Variants in FSTL5 observed in about 807,000 individuals in gnomAD.
The protein encoded by FSTL5 is follistatin-related protein 5.
In FSTL5, 62 loss-of-function variants were observed where a neutral mutation model predicts 89.1. The ratio of observed to expected loss-of-function variants is 0.70; its 90% CI spans 0.57 to 0.86. The LOEUF is 0.86. Among genes scored for constraint, FSTL5 ranks in the 40% least tolerant of loss-of-function variants. FSTL5 has a pLI of 0.00. For missense variants in FSTL5, 1,057 were observed against 1,001.6 expected (o/e 1.06, Z -0.75); for synonymous variants, 383 against 346.2 (o/e 1.11, Z -1.18).
chr4:161,887,392 CATCT>C (rs60103951), intron 4 of FSTL5, among the ~76,000 whole-genome samples: 6,606 of 133,094 alleles, frequency 0.05, 173 homozygotes, highest in Non-Finnish European at 0.07. Flanking sequence ...CTCTATCTAT[CATCT>C]ATCTATCTAT....
chr4:162,080,739 C>A (rs1730060206), intron 2 of FSTL5, among the ~76,000 whole-genome samples: 1 of 151,338 alleles, frequency 6.6e-6, no homozygotes, highest in Non-Finnish European at 1.5e-5. Context: ...GCCCCCATAC[C>A]CTCAAATTTG....
intron 13 of FSTL5, 144 bp downstream of exon 13, chr4:161,480,876 G>A: frequency 1.7e-6 from 1 of 598,094 alleles, no homozygotes; most frequent in Admixed American, 3.3e-5. Flanking sequence ...TGAGAGAAGA[G>A]TTTGCAGAAA....
Position 161,767,337 on chromosome 4 carries a change from T to C in FSTL5, c.607-7806A>G, listed in dbSNP as rs539601798. Among the ~76,000 whole-genome samples, 7 of 152,332 alleles carry C rather than the reference T, an allele frequency of 4.6e-5. No homozygotes were observed. In the East Asian group the frequency reaches 1.2e-3, roughly 25 times the overall value. ...ACTCACGATGTACTTACAATACTTA[T>C]GGGAGAGACTAAGATGCCTTGGTCA... On this transcript the variant is annotated intron_variant, in intron 5 of 15. Coordinates refer to ENST00000306100, the MANE Select transcript of FSTL5 (RefSeq NM_020116.5).
intron 3 of FSTL5, among the ~76,000 whole-genome samples, chr4:162,002,972 G>T (rs550764940): frequency 6.6e-6 from 1 of 151,876 alleles, no homozygotes; most frequent in Non-Finnish European, 1.5e-5. Context: ...GTGAAACCCC[G>T]TCTCTAATAA....
intron 7 of FSTL5, among the ~76,000 whole-genome samples, chr4:161,589,988 C>T (rs1168957946): frequency 3.9e-5 from 6 of 152,058 alleles, no homozygotes; most frequent in African/African-American, 1.4e-4. Context: ...GCCTGGGAGA[C>T]TTACTGATGC....
At chr4:161,744,476 G>C (rs375749924) in intron 6 of FSTL5, among the ~76,000 whole-genome samples, 1 of 152,152 alleles carries the variant, frequency 6.6e-6, no homozygotes, top group African/African-American at 2.4e-5. Context: ...ATACATTTAC[G>C]AAGGTGTGGT....
chr4:161,717,093 G>A (rs911800346), intron 6 of FSTL5, among the ~76,000 whole-genome samples: 3 of 152,144 alleles, frequency 2.0e-5, no homozygotes. Flanking sequence ...TTAGATAATT[G>A]TTTTTGGTAG....
intron 13 of FSTL5, among the ~76,000 whole-genome samples, chr4:161,474,067 T>G (rs1734041154): frequency 6.6e-6 from 1 of 152,198 alleles, no homozygotes; most frequent in Non-Finnish European, 1.5e-5. Context: ...GTTTAGTTAT[T>G]TTTTTGTAAT....
intron 7 of FSTL5, among the ~76,000 whole-genome samples, chr4:161,632,092 T>C (rs979192493): frequency 5.9e-5 from 9 of 152,088 alleles, no homozygotes; most frequent in African/African-American, 2.2e-4. Flanking sequence ...AAGAGAAAGA[T>C]AGATTCAGCC....
At chr4:161,548,288 C>A (rs752943592) in intron 8 of FSTL5, among the ~76,000 whole-genome samples, 1 of 151,738 alleles carries the variant, frequency 6.6e-6, no homozygotes, top group African/African-American at 2.4e-5. Context: ...TAGGTTGACA[C>A]AGATGGACAA....
chr4:162,100,268 C>G lies in FSTL5; in HGVS notation c.126+11003G>C, dbSNP rs552212217. Among the ~76,000 whole-genome samples, 22 of 152,194 alleles carry G rather than the reference C, an allele frequency of 1.4e-4. No homozygotes were observed. The South Asian group carries it at 4.1e-3, about 29-fold the overall frequency. On this transcript the variant is annotated intron_variant, in intron 2 of 15. Transcript: ENST00000306100. The stretch of plus-strand genomic sequence containing the variant: ...TCAATGAGCTATTGCACTATGAAAA[C>G]ACATAGAGGAGGCCGGGTACGGTGG...
intron 15 of FSTL5, chr4:161,387,363 A>T (rs1386990095): frequency 2.0e-5 from 3 of 152,066 alleles, no homozygotes; most frequent in African/African-American, 7.2e-5. Context: ...GCTCATAATA[A>T]AAATAAGAGA....
chr4:161,518,980 G>GT (rs1215248756), intron 10 of FSTL5, among the ~76,000 whole-genome samples: 9 of 152,144 alleles, frequency 5.9e-5, no homozygotes, highest in Admixed American at 5.9e-4. Context: ...GGAGGTCTCA[G>GT]TTTTTTATTC....
At chr4:162,002,183 C>T (rs1736484781) in intron 3 of FSTL5, among the ~76,000 whole-genome samples, 1 of 151,940 alleles carries the variant, frequency 6.6e-6, no homozygotes. Flanking sequence ...GTAACTAATG[C>T]GAGTATATGC....
At chr4:161,801,105 A>G (rs1030880182) in intron 4 of FSTL5, among the ~76,000 whole-genome samples, 10 of 151,628 alleles carry the variant, frequency 6.6e-5, no homozygotes, top group African/African-American at 2.4e-4. Context: ...AAGATAAAAA[A>G]TTAATAAAAC....
intron 6 of FSTL5, among the ~76,000 whole-genome samples, chr4:161,688,853 T>G (rs1737830555): frequency 6.6e-6 from 1 of 152,192 alleles, no homozygotes; most frequent in Admixed American, 6.5e-5. Flanking sequence ...ATTATAATCC[T>G]TTTTAATTGG....
intron 10 of FSTL5, among the ~76,000 whole-genome samples, chr4:161,532,611 A>C (rs1233667984): frequency 6.6e-6 from 1 of 152,054 alleles, no homozygotes; most frequent in Admixed American, 6.6e-5. Flanking sequence ...GGCATTTTTG[A>C]AAATATCTTT....
At chr4:161,821,994 T>C (rs1468917947) in intron 4 of FSTL5, among the ~76,000 whole-genome samples, 1 of 152,300 alleles carries the variant, frequency 6.6e-6, no homozygotes, top group East Asian at 1.9e-4. Context: ...CTTTCAGTTA[T>C]CTAAGGACTC....
intron 4 of FSTL5, among the ~76,000 whole-genome samples, chr4:161,912,766 CAGA>C (rs1257176236): frequency 6.6e-6 from 1 of 152,028 alleles, no homozygotes; most frequent in African/African-American, 2.4e-5. Context: ...TTGGAGGGTT[CAGA>C]AGAAGACAGG....
Sources: gnomAD v4.1 joint callset for allele counts (sites outside exome capture counted in the v4.1 genomes callset) on GRCh38, gnomAD v4.1.1 for gene constraint, MANE v1.5 for transcripts, NCBI Gene and HGNC (gene_info 2026-07-23, HGNC 2026-07-21) for gene names.